ASAH1: variants seen among roughly 807,000 people sequenced by gnomAD.
ASAH1 encodes N-acylsphingosine amidohydrolase 1.
In ASAH1, 70 loss-of-function variants were observed where a neutral mutation model predicts 59.5. The ratio of observed to expected loss-of-function variants is 1.18; its 90% CI spans 0.97 to 1.43. The LOEUF is 1.43. Ranked by LOEUF, ASAH1 falls within the 40% of genes most tolerant of loss-of-function variation. The probability of loss-of-function intolerance (pLI) is 0.00; values close to 1 mark genes in which losing one functional copy is unlikely to be tolerated. For missense variants in ASAH1, 660 were observed against 482.5 expected, an observed-to-expected ratio of 1.37 and a Z score of -3.45; for synonymous variants, 213 against 166.5, an observed-to-expected ratio of 1.28 and a Z score of -2.15.
At chr8:18,084,795 A>C (rs1480339749), upstream of ASAH1, 1 of 1,613,374 alleles carries the variant, frequency 6.2e-7, no homozygotes, top group Non-Finnish European at 8.5e-7. Context: ...CCGATGCAGC[A>C]GTTCATTAAG....
chr8:18,071,206 C>G (rs1349965532), intron 3 of ASAH1, 94 bp downstream of exon 3: 1 of 708,416 alleles, frequency 1.4e-6, no homozygotes, highest in African/African-American at 2.3e-5. Context: ...GACTCTGTCT[C>G]AAAACAAAAA....
intron 1 of ASAH1, among the ~76,000 whole-genome samples, chr8:18,082,098 T>A (rs1800678478): frequency 6.6e-6 from 1 of 152,222 alleles, no homozygotes; most frequent in Non-Finnish European, 1.5e-5. Context: ...ATTAATAATT[T>A]TAGTTTTGCA....
chr8:18,075,851 C>A (rs564839823), intron 1 of ASAH1: 5 of 498,472 alleles, frequency 1.0e-5, no homozygotes, highest in South Asian at 4.4e-5. Context: ...TATTGAGTAA[C>A]GAACAAATGT....
At chr8:18,084,605 G>T, upstream of ASAH1, 5 of 1,601,774 alleles carry the variant, frequency 3.1e-6, no homozygotes, top group Non-Finnish European at 2.6e-6. Flanking sequence ...CAGGGACAAG[G>T]AGCAGTTGAG....
intron 5 of ASAH1, 167 bp from the exon 6 acceptor site, chr8:18,064,698 C>A (rs1799860090): frequency 1.7e-6 from 1 of 587,136 alleles, no homozygotes; most frequent in African/African-American, 1.9e-5. Flanking sequence ...AGCCTGGACT[C>A]TCTAGACTCA....
At chr8:18,075,623 C>T in intron 1 of ASAH1, 36 bp from the exon 2 acceptor site, 5 of 1,601,996 alleles carry the variant, frequency 3.1e-6, no homozygotes, top group Non-Finnish European at 4.3e-6. Context: ...CAGAAAATAA[C>T]AAATGCTTGC....
chr8:18,059,468 G>A lies in ASAH1; in HGVS notation c.918-4C>T, dbSNP rs185687182. The A allele has an allele frequency of 2.5e-5, 41 of 1,614,160 alleles. No individual in the cohort carries two copies. In the East Asian group the frequency reaches 8.0e-4, roughly 32 times the overall value. ...TCTACCCTGCTTAGCATCGAGTCTA[G>A]ATACAAAAGGAGAGATTCCCTCTTA... On this transcript the variant is annotated splice_polypyrimidine_tract_variant and splice_region_variant and intron_variant, in intron 11 of 13. Coordinates refer to ENST00000637790, the MANE Select transcript of ASAH1 (RefSeq NM_177924.5).
chr8:18,074,280 A>G (rs1321241479), intron 2 of ASAH1, among the ~76,000 whole-genome samples: 3 of 150,834 alleles, frequency 2.0e-5, no homozygotes, highest in East Asian at 3.9e-4. Flanking sequence ...AGGCCATTGA[A>G]GAAAGAGCTG....
At chr8:18,063,484 T>C in intron 6 of ASAH1, 1 of 396,144 alleles carries the variant, frequency 2.5e-6, no homozygotes, top group Non-Finnish European at 4.6e-6. Flanking sequence ...TTTTTTTTTT[T>C]TGTATTTTTC....
Position 18,071,326 on chromosome 8 carries a change from C to G in ASAH1, c.190G>C (p.Glu64Gln). The G allele has an allele frequency of 6.2e-7, 1 of 1,602,206 alleles. No individual in the cohort carries two copies. Among genetic ancestry groups the G allele is most frequent in the Non-Finnish European group, 8.5e-7 (1 of 1,171,384 alleles). The change falls in exon 3 of 14, where the codon GAA becomes CAA. Residue 64 changes from glutamate to glutamine, a missense_variant. Physicochemically the swap from Glu to Gln is conservative, Grantham distance 29. Coordinates refer to ENST00000637790, the MANE Select transcript of ASAH1 (RefSeq NM_177924.5). ...ACTGGTGCCTTGTCAAGCATCAATT[C>G]ATGCCATCTTTTGTAGGGTGGTAAG... is the stretch of plus-strand genomic sequence containing the variant. ...LDLPPYKRWH[E>Q]LMLDKAPVLK...
chr8:18,062,645 TAGTG>T (rs1212195874), intron 7 of ASAH1: 4 of 562,452 alleles, frequency 7.1e-6, no homozygotes, highest in African/African-American at 1.9e-5. Context: ...AGCTTATAAA[TAGTG>T]AGCCTCAGAT....
At chr8:18,064,266 GCAGTA>G (rs774928512) in intron 6 of ASAH1, 186 bp downstream of exon 6, 2 of 602,750 alleles carry the variant, frequency 3.3e-6, no homozygotes, top group Non-Finnish European at 5.9e-6. Flanking sequence ...ACTTTAATAG[GCAGTA>G]CAGTAGTCTG....
At chr8:18,058,225 C>T (rs1230870706) in intron 13 of ASAH1, 1 of 153,442 alleles carries the variant, frequency 6.5e-6, no homozygotes, top group African/African-American at 2.4e-5. Flanking sequence ...CCAGGGTGAC[C>T]TGGATGCTAA....
At chr8:18,069,674 T>A in intron 4 of ASAH1, 118 bp downstream of exon 4, 2 of 715,216 alleles carry the variant, frequency 2.8e-6, no homozygotes, top group South Asian at 3.2e-5. Context: ...GACAGTGAGC[T>A]AGATTCATGC....
chr8:18,071,253 TAAAAA>T, intron 3 of ASAH1, 42 bp downstream of exon 3: 11 of 1,010,712 alleles, frequency 1.1e-5, no homozygotes, highest in Admixed American at 7.0e-5. Context: ...AGAAATAAAA[TAAAAA>T]ATAAAAATAA....
At chr8:18,067,149 A>AAGACAAACAGCACCTGTGC in intron 5 of ASAH1, 71 bp downstream of exon 5, 1 of 1,376,970 alleles carries the variant, frequency 7.3e-7, no homozygotes, top group Non-Finnish European at 1.0e-6. Flanking sequence ...CTGTATGTAT[A>AAGACAAACAGCACCTGTGC]TCACACCTCA....
Position 18,084,006 on chromosome 8 carries a change from C to G in ASAH1, c.53G>C (p.Cys18Ser), listed in dbSNP as rs757451541. Residue 18 changes from cysteine to serine, a missense_variant, in exon 1 of 14, where the codon TGT (cysteine) becomes TCT (serine). Cys to Ser is a moderately radical substitution (Grantham distance 112, BLOSUM62 -1). Transcript: ENST00000637790. The stretch of plus-strand genomic sequence containing the variant: ...CGGCGGCGCGTGCTGCGCGACGGCA[C>G]AGCTGACGGCGGCAGCCAGGAGGAC... ...ALVLLAAAVS[C>S]AVAQHAPPWT... 6.3e-7 allele frequency: 1 copy of G among 1,598,324 alleles called. No homozygotes were observed. Among genetic ancestry groups the G allele is most frequent in the Non-Finnish European group, 8.5e-7 (1 of 1,179,552 alleles).
intron 2 of ASAH1, among the ~76,000 whole-genome samples, chr8:18,072,487 T>C (rs2117066571): frequency 6.8e-6 from 1 of 147,614 alleles, no homozygotes; most frequent in African/African-American, 2.5e-5. Context: ...CTAGCAGACA[T>C]TCAGGTTGTG....
rs1481852975 is a variant in ASAH1 at position 18,077,702 on chromosome 8, A to G, written c.79-2115T>C. On this transcript the variant is annotated intron_variant, in intron 1 of 13. Coordinates refer to ENST00000637790, the MANE Select transcript of ASAH1 (RefSeq NM_177924.5). ...TTTCCCTGGACACAATACTTCTGCTACTACAATCGAATACAATTTAGGTAA... is the reference window on the plus strand; with the variant it reads ...TTTCCCTGGACACAATACTTCTGCTGCTACAATCGAATACAATTTAGGTAA... 2.0e-5 allele frequency among the ~76,000 whole-genome samples: 3 copies of G among 152,262 alleles called. No individual in the cohort carries two copies. The East Asian group carries it at 5.8e-4, about 29-fold the overall frequency.
Sources: gnomAD v4.1 joint callset for allele counts (sites outside exome capture counted in the v4.1 genomes callset) on GRCh38, gnomAD v4.1.1 for gene constraint, MANE v1.5 for transcripts, NCBI Gene and HGNC (gene_info 2026-07-23, HGNC 2026-07-21) for gene names.